The following WDR27 variants were observed in gnomAD, a reference collection of about 807,000 sequenced individuals.
WDR27 encodes WD repeat-containing protein 27.
A neutral mutation model predicts 114.4 loss-of-function variants in WDR27; 100 were observed. The ratio of observed to expected loss-of-function variants is 0.87; its 90% CI spans 0.74 to 1.03. WDR27 has a LOEUF of 1.03. Among genes scored for constraint, WDR27 ranks in the 50% least tolerant of loss-of-function variants. The pLI is 0.00. For synonymous variants in WDR27, 449 were observed against 423.1 expected (o/e 1.06, Z -0.75); for missense variants, 1,129 against 1,092.9 (o/e 1.03, Z -0.47).
At chr6:169,428,092 C>A in the WDR27 span, among the ~76,000 whole-genome samples, 1 of 152,318 alleles carries the variant, frequency 6.6e-6, no homozygotes, top group South Asian at 2.1e-4. Context: ...GCTGAGTCAT[C>A]ACTCCCATGA....
At chr6:169,676,119 T>C (rs1287870272) in intron 2 of WDR27, among the ~76,000 whole-genome samples, 14 of 152,158 alleles carry the variant, frequency 9.2e-5, no homozygotes, top group Non-Finnish European at 2.1e-4. Context: ...GCCCCTTAGG[T>C]AGGAATTTGG....
At chr6:169,601,280 C>T (rs938572629) in intron 23 of WDR27, among the ~76,000 whole-genome samples, 6 of 152,166 alleles carry the variant, frequency 3.9e-5, no homozygotes, top group Non-Finnish European at 5.9e-5. Flanking sequence ...TCTGTCACCA[C>T]CAGGTCTTGA....
chr6:169,529,761 G>GA (rs1264874629), intron 25 of WDR27, among the ~76,000 whole-genome samples: 1 of 151,924 alleles, frequency 6.6e-6, no homozygotes, highest in Non-Finnish European at 1.5e-5. Flanking sequence ...AAATTGTGGG[G>GA]TTTTATATGT....
At chr6:169,627,224 G>A (rs1033156103) in intron 21 of WDR27, among the ~76,000 whole-genome samples, 1 of 152,144 alleles carries the variant, frequency 6.6e-6, no homozygotes, top group Admixed American at 6.5e-5. Context: ...TTTAAGTCTT[G>A]AAAATAAATG....
chr6:169,432,186 TAC>T, the WDR27 span, among the ~76,000 whole-genome samples: 1 of 152,350 alleles, frequency 6.6e-6, no homozygotes, highest in African/African-American at 2.4e-5. Flanking sequence ...TAGCCTTCCC[TAC>T]ACTAGAAAGA....
intron 25 of WDR27, among the ~76,000 whole-genome samples, chr6:169,521,121 A>C (rs1008909497): frequency 6.6e-6 from 1 of 152,160 alleles, no homozygotes; most frequent in African/African-American, 2.4e-5. Context: ...AAGGAAAGAG[A>C]GATAATCCTA....
intron 22 of WDR27, among the ~76,000 whole-genome samples, chr6:169,609,573 C>G (rs1810048214): frequency 6.6e-6 from 1 of 152,204 alleles, no homozygotes; most frequent in Non-Finnish European, 1.5e-5. Context: ...CACAGGGCAC[C>G]AAGTCCCAGG....
chr6:169,602,290 G>T lies in WDR27; in HGVS notation c.2353C>A (p.Arg785Ser). The T allele has an allele frequency of 6.4e-7, 1 of 1,563,920 alleles. No individual in the cohort carries two copies. The highest frequency in any genetic ancestry group is 1.7e-4 in the Middle Eastern group (1 of 6,004). ...CERHFEGHPT[R>S]GYPCGIAFSP... ...AAAGCGATTCCACATGGATAGCCGC[G>T]GGTTGGATGCCCTTCAAAGTGGCGC... The change falls in exon 23 of 26, where the codon CGC (arginine) becomes AGC (serine). Residue 785 changes from arginine (R) to serine (S), a missense_variant. Arg to Ser is a moderately radical substitution (Grantham distance 110, BLOSUM62 -1). Coordinates refer to ENST00000448612, the MANE Select transcript of WDR27 (RefSeq NM_182552.5).
At chr6:169,435,925 C>G in the WDR27 span, among the ~76,000 whole-genome samples, 5 of 152,172 alleles carry the variant, frequency 3.3e-5, no homozygotes, top group Non-Finnish European at 7.4e-5. Flanking sequence ...CATGTTGTCA[C>G]AAATATAATT....
At chr6:169,641,138 G>A (rs560210820) in intron 17 of WDR27, among the ~76,000 whole-genome samples, 1 of 152,326 alleles carries the variant, frequency 6.6e-6, no homozygotes, top group African/African-American at 2.4e-5. Context: ...AAGTCAGCTT[G>A]GTCCTTCATC....
chr6:169,541,489 T>C (rs1796847871), intron 25 of WDR27, among the ~76,000 whole-genome samples: 1 of 152,164 alleles, frequency 6.6e-6, no homozygotes, highest in Non-Finnish European at 1.5e-5. Flanking sequence ...GACATGTCAA[T>C]AAGAAAACGT....
chr6:169,687,586 A>C (rs985293321), intron 2 of WDR27, among the ~76,000 whole-genome samples: 2 of 152,186 alleles, frequency 1.3e-5, no homozygotes, highest in Non-Finnish European at 2.9e-5. Flanking sequence ...ATATGGTTCA[A>C]CTGAAAGTCA....
intron 2 of WDR27, among the ~76,000 whole-genome samples, chr6:169,673,842 G>A (rs1403550322): frequency 6.6e-6 from 1 of 152,172 alleles, no homozygotes; most frequent in East Asian, 1.9e-4. Context: ...AAATATGAAT[G>A]GATTTTAAGT....
At chr6:169,609,350 C>A (rs1057241694) in intron 22 of WDR27, among the ~76,000 whole-genome samples, 1 of 152,178 alleles carries the variant, frequency 6.6e-6, no homozygotes, top group African/African-American at 2.4e-5. Context: ...CAAGGGAGCC[C>A]CACCCCTACA....
chr6:169,457,785 T>C lies in WDR27; in HGVS notation c.2646-151A>G, dbSNP rs148847881. 5.3e-5 allele frequency among the ~76,000 whole-genome samples: 8 copies of C among 152,370 alleles called. No individual in the cohort carries two copies. In the East Asian group the frequency reaches 7.7e-4, roughly 15 times the overall value. On this transcript the variant is annotated intron_variant, in intron 25 of 25. Transcript: ENST00000448612. Reference sequence around the variant, plus strand: ...ACATTAACATAGTAGAATCTATATATACAACAGATATTATGCTGATGATTA... The same window carrying C: ...ACATTAACATAGTAGAATCTATATACACAACAGATATTATGCTGATGATTA...
At chr6:169,683,128 A>C (rs1295305674) in intron 2 of WDR27, among the ~76,000 whole-genome samples, 2 of 152,210 alleles carry the variant, frequency 1.3e-5, no homozygotes, top group African/African-American at 4.8e-5. Flanking sequence ...AGGAAGACGA[A>C]GTGGTAGAAG....
At chr6:169,428,044 C>G in the WDR27 span, among the ~76,000 whole-genome samples, 3 of 152,138 alleles carry the variant, frequency 2.0e-5, no homozygotes, top group African/African-American at 7.2e-5. Context: ...CCAAAGGTCC[C>G]GTCTCCACTT....
chr6:169,480,264 C>T (rs553511246), intron 25 of WDR27, among the ~76,000 whole-genome samples: 15 of 152,310 alleles, frequency 9.8e-5, no homozygotes, highest in African/African-American at 1.4e-4. Context: ...AGGCTTCAGC[C>T]GCCTCCCCGC....
chr6:169,584,015 C>T lies in WDR27; in HGVS notation c.2425-1081G>A, dbSNP rs543865108. Among the ~76,000 whole-genome samples the T allele has an allele frequency of 8.5e-5, 13 of 152,258 alleles. No individual in the cohort carries two copies. The South Asian group carries it at 1.9e-3, about 22-fold the overall frequency. On this transcript the variant is annotated intron_variant, in intron 23 of 25. Coordinates refer to ENST00000448612, the MANE Select transcript of WDR27 (RefSeq NM_182552.5). ...TGTTGCACGTTAGATACCTGGACTT[C>T]TCCATCCTCGCAGCTGCTGTTTCGT...
Sources: gnomAD v4.1 joint callset for allele counts (sites outside exome capture counted in the v4.1 genomes callset) on GRCh38, gnomAD v4.1.1 for gene constraint, MANE v1.5 for transcripts, NCBI Gene and HGNC (gene_info 2026-07-23, HGNC 2026-07-21) for gene names.